CLVS1: variants seen among roughly 807,000 people sequenced by gnomAD.
CLVS1 encodes clavesin 1, also known as clavesin-1.
In CLVS1, 10 loss-of-function variants were observed where a neutral mutation model predicts 33.1. The observed-to-expected ratio is 0.30, with a 90% confidence interval of 0.19 to 0.51. The LOEUF is 0.51. Ranked by LOEUF, CLVS1 falls within the 20% of genes least tolerant of loss-of-function variation. The pLI is 0.97. For synonymous variants in CLVS1, 163 were observed against 166.1 expected (o/e 0.98, Z 0.14); for missense variants, 343 against 433.4 (o/e 0.79, Z 1.85).
chr8:61,455,939 C>T (rs1817139846), intron 4 of CLVS1, among the ~76,000 whole-genome samples: 1 of 152,158 alleles, frequency 6.6e-6, no homozygotes, highest in Non-Finnish European at 1.5e-5. Flanking sequence ...AAGTTTGAAA[C>T]CAGGAATTAG....
chr8:61,429,265 C>A lies in CLVS1; in HGVS notation c.631-24876C>A, dbSNP rs150370654. Among the ~76,000 whole-genome samples, 1,423 of 151,862 alleles carry A rather than the reference C, an allele frequency of 9.4e-3. 22 individuals are homozygous for A. The highest frequency in any genetic ancestry group is 0.033 in the African/African-American group (1,365 of 41,398). ...TGAAACCCTGTCTCTACTAAAAATACAAAAATTAGCTGGGCGTGGTTGCTC... is the reference window on the plus strand; with the variant it reads ...TGAAACCCTGTCTCTACTAAAAATAAAAAAATTAGCTGGGCGTGGTTGCTC... On this transcript the variant is annotated intron_variant, in intron 3 of 5. Transcript: ENST00000325897.
intron 2 of CLVS1, among the ~76,000 whole-genome samples, chr8:61,347,535 T>C (rs985679056): frequency 4.0e-5 from 6 of 150,556 alleles, no homozygotes; most frequent in Admixed American, 1.3e-4. Context: ...ATAAAAGGGA[T>C]AAATTCAAGA....
chr8:61,420,588 C>T (rs7003586), intron 3 of CLVS1, among the ~76,000 whole-genome samples: 3,635 of 143,256 alleles, frequency 0.025, 156 homozygotes, highest in African/African-American at 0.089. Flanking sequence ...GGCAACAGAG[C>T]GAGATTCCAT....
chr8:61,426,692 T>A (rs1435239557), intron 3 of CLVS1, among the ~76,000 whole-genome samples: 1 of 152,258 alleles, frequency 6.6e-6, no homozygotes, highest in African/African-American at 2.4e-5. Flanking sequence ...ACCTGTCATA[T>A]GCCTGGCTCT....
chr8:61,105,188 C>A (rs1343137664), intron 1 of CLVS1, among the ~76,000 whole-genome samples: 1 of 152,142 alleles, frequency 6.6e-6, no homozygotes, highest in Non-Finnish European at 1.5e-5. Context: ...TATAGACTTT[C>A]TTAAAGTAGT....
At chr8:61,008,987 C>T in the CLVS1 span, among the ~76,000 whole-genome samples, 2 of 152,132 alleles carry the variant, frequency 1.3e-5, no homozygotes, top group African/African-American at 4.8e-5. Context: ...TCTCTTTTGA[C>T]CACTTGCACC....
the CLVS1 span, among the ~76,000 whole-genome samples, chr8:61,040,383 T>C: frequency 6.6e-6 from 1 of 152,262 alleles, no homozygotes; most frequent in East Asian, 1.9e-4. Context: ...ATGGTAGTTC[T>C]GTTTTTAGTT....
At chr8:61,295,664 A>G (rs574217634) in intron 1 of CLVS1, among the ~76,000 whole-genome samples, 3 of 152,188 alleles carry the variant, frequency 2.0e-5, no homozygotes, top group African/African-American at 4.8e-5. Flanking sequence ...TCTGCTACAC[A>G]TAAGAGACAG....
At chr8:60,993,791 C>T in the CLVS1 span, among the ~76,000 whole-genome samples, 2 of 152,316 alleles carry the variant, frequency 1.3e-5, no homozygotes, top group Admixed American at 1.3e-4. Context: ...GTGATGCCTG[C>T]CTGTCCCTGG....
intron 3 of CLVS1, among the ~76,000 whole-genome samples, chr8:61,436,813 C>T (rs1328223916): frequency 1.3e-5 from 2 of 152,130 alleles, no homozygotes; most frequent in Admixed American, 6.5e-5. Context: ...CCCTTCTGCC[C>T]TCTTTGAAGG....
At chr8:61,322,932 T>C (rs1345118265) in intron 2 of CLVS1, among the ~76,000 whole-genome samples, 1 of 152,150 alleles carries the variant, frequency 6.6e-6, no homozygotes, top group Non-Finnish European at 1.5e-5. Flanking sequence ...CCTCCCAAAT[T>C]TTACTGCTAT....
chr8:60,983,672 C>A, the CLVS1 span, among the ~76,000 whole-genome samples: 9 of 152,250 alleles, frequency 5.9e-5, no homozygotes, highest in African/African-American at 2.2e-4. Context: ...AGTGCTGCAC[C>A]CAGTCCCAGG....
intron 1 of CLVS1, chr8:61,292,124 T>G: frequency 3.4e-6 from 1 of 294,838 alleles, no homozygotes; most frequent in Non-Finnish European, 6.9e-6. Context: ...AAAGTTTTTT[T>G]TTTTTTAATA....
At chr8:61,073,947 G>A (rs1398855405) in intron 1 of CLVS1, among the ~76,000 whole-genome samples, 1 of 145,818 alleles carries the variant, frequency 6.9e-6, no homozygotes, top group African/African-American at 2.6e-5. Flanking sequence ...GTGGGGCGGA[G>A]CCTGCAGTGA....
chr8:61,109,791 T>C (rs184977592), intron 1 of CLVS1, among the ~76,000 whole-genome samples: 19 of 152,066 alleles, frequency 1.2e-4, no homozygotes, highest in Admixed American at 1.2e-3. Flanking sequence ...GAACTGGTGG[T>C]TTTATAAGAA....
chr8:61,122,715 G>A (rs1043533508), intron 1 of CLVS1, among the ~76,000 whole-genome samples: 1 of 152,108 alleles, frequency 6.6e-6, no homozygotes, highest in African/African-American at 2.4e-5. Context: ...CACCAGAGGA[G>A]GCTGCAACTG....
At chr8:61,052,191 G>A (rs1445517715), upstream of CLVS1, among the ~76,000 whole-genome samples, 2 of 152,220 alleles carry the variant, frequency 1.3e-5, no homozygotes, top group Admixed American at 1.3e-4. Context: ...AGGTGTGGAG[G>A]TTATAGCATT....
the CLVS1 span, among the ~76,000 whole-genome samples, chr8:61,022,484 G>T: frequency 6.6e-6 from 1 of 152,122 alleles, no homozygotes; most frequent in Non-Finnish European, 1.5e-5. Flanking sequence ...GTACCTGAAA[G>T]CTTAGTGGCA....
At chr8:61,196,069 A>G (rs904511407) in intron 2 of CLVS1, among the ~76,000 whole-genome samples, 5 of 152,180 alleles carry the variant, frequency 3.3e-5, no homozygotes, top group African/African-American at 1.2e-4. Context: ...TTATTATGTT[A>G]GAAAGGAAAC....
Sources: gnomAD v4.1 joint callset for allele counts (sites outside exome capture counted in the v4.1 genomes callset) on GRCh38, gnomAD v4.1.1 for gene constraint, MANE v1.5 for transcripts, NCBI Gene and HGNC (gene_info 2026-07-23, HGNC 2026-07-21) for gene names.